Variants in WAPL observed in about 807,000 individuals in gnomAD.
WAPL encodes the protein WAPL cohesin release factor.
Under a neutral mutation model 121.0 loss-of-function variants are expected in WAPL, and 5 were observed. That is an observed-to-expected ratio of 0.04 (90% CI 0.02 to 0.09). WAPL has a LOEUF of 0.09. Ranked by LOEUF, WAPL falls within the 10% of genes least tolerant of loss-of-function variation. The probability of loss-of-function intolerance (pLI) is 1.00; values close to 1 mark genes in which losing one functional copy is unlikely to be tolerated. For missense variants in WAPL, 999 were observed against 1,410.8 expected (o/e 0.71, Z 4.68); for synonymous variants, 480 against 481.5 (o/e 1.00, Z 0.04).
At chr10:86,447,982 G>C (rs1015474324) in intron 15 of WAPL, among the ~76,000 whole-genome samples, 1 of 151,774 alleles carries the variant, frequency 6.6e-6, no homozygotes, top group Non-Finnish European at 1.5e-5. Context: ...TGGGAGTCAG[G>C]GGTTGCAGTA....
chr10:86,519,210 C>G (rs1401831349), intron 1 of WAPL, among the ~76,000 whole-genome samples: 4 of 152,048 alleles, frequency 2.6e-5, no homozygotes, highest in African/African-American at 7.2e-5. Context: ...AGTTCTGTGC[C>G]TATTAAAAAG....
chr10:86,511,691 C>T lies in WAPL; in HGVS notation c.499+5880G>A, dbSNP rs138567689. On this transcript the variant is annotated intron_variant, in intron 2 of 18. Coordinates refer to ENST00000298767, the MANE Select transcript of WAPL (RefSeq NM_015045.5). ...GCTCATGCCTGTAATCCCAACACTT[C>T]GGGAGGTGGAGGCAGGAGGACTACT... 2.4e-4 allele frequency among the ~76,000 whole-genome samples: 36 copies of T among 152,234 alleles called. No individual in the cohort carries two copies. The East Asian group carries it at 6.6e-3, about 28-fold the overall frequency.
At chr10:86,453,017 C>CAAAAAAAAAAAAAAAAAAAAAA (rs34469657) in intron 14 of WAPL, among the ~76,000 whole-genome samples, 1 of 58,234 alleles carries the variant, frequency 1.7e-5, no homozygotes. Context: ...CTCCATCTCC[C>CAAAAAAAAAAAAAAAAAAAAAA]AAAAAAAAAA....
intron 2 of WAPL, among the ~76,000 whole-genome samples, chr10:86,501,678 A>G (rs538325027): frequency 1.3e-5 from 2 of 152,274 alleles, no homozygotes; most frequent in South Asian, 4.1e-4. Flanking sequence ...ATTCTACCCA[A>G]TAGGTTTTCC....
intron 2 of WAPL, among the ~76,000 whole-genome samples, chr10:86,510,685 A>G (rs540585124): frequency 5.9e-5 from 9 of 152,324 alleles, no homozygotes; most frequent in African/African-American, 2.2e-4. Context: ...AACAAAATGA[A>G]TTTACTTAAA....
intron 12 of WAPL, among the ~76,000 whole-genome samples, chr10:86,457,746 T>C (rs551799920): frequency 2.6e-5 from 4 of 151,398 alleles, no homozygotes; most frequent in South Asian, 2.1e-4. Flanking sequence ...ATTAAGAAAA[T>C]CTACTGAGAC....
rs1358526995 is a variant in WAPL, at chr10:86,500,509, T to C, written c.734A>G (p.Asp245Gly). Residue 245 changes from aspartate (D) to glycine (G), a missense_variant, in exon 3 of 19, where the codon GAT (aspartate) becomes GGT (glycine). Physicochemically the swap from Asp to Gly is moderately conservative, Grantham distance 94 (BLOSUM62 -1). Around this residue, in one of 7 missense-constraint regions of WAPL, gnomAD observed 531 missense variants for 563.1 expected, o/e 0.94. Transcript: ENST00000298767. ...GLFEWDNDFE[D>G]IRSEDCILSL... ...TAAAATACAGTCTTCTGATCTGATA[T>C]CTTCAAAATCATTATCCCATTCAAA... 3.7e-6 allele frequency: 6 copies of C among 1,614,040 alleles called. No individual in the cohort carries two copies. Among genetic ancestry groups the C allele is most frequent in the African/African-American group, 1.3e-5 (1 of 74,922 alleles).
intron 2 of WAPL, among the ~76,000 whole-genome samples, chr10:86,506,437 T>C (rs1474016649): frequency 6.6e-6 from 1 of 152,190 alleles, no homozygotes; most frequent in Non-Finnish European, 1.5e-5. Flanking sequence ...TTAAAAAAGT[T>C]AAAAGAAATC....
At chr10:86,438,099 C>T (rs545147174) in intron 17 of WAPL, 84 bp from the exon 18 acceptor site, 2 of 935,080 alleles carry the variant, frequency 2.1e-6, no homozygotes, top group South Asian at 1.6e-5. Flanking sequence ...TTTTGACACA[C>T]ATCTTGGTGC....
At chr10:86,476,687 T>TAAA (rs34743479) in intron 4 of WAPL, among the ~76,000 whole-genome samples, 1 of 140,180 alleles carries the variant, frequency 7.1e-6, no homozygotes. Context: ...AGACTGTCTT[T>TAAA]AAAAAAAAAA....
chr10:86,480,623 C>CT (rs1429202874), intron 4 of WAPL, among the ~76,000 whole-genome samples: 1 of 86,336 alleles, frequency 1.2e-5, no homozygotes, highest in East Asian at 2.5e-4. Flanking sequence ...AAACCGGAAG[C>CT]TATAAATATC....
intron 17 of WAPL, among the ~76,000 whole-genome samples, chr10:86,441,426 G>A (rs1257527877): frequency 1.3e-5 from 2 of 152,144 alleles, no homozygotes; most frequent in Non-Finnish European, 2.9e-5. Flanking sequence ...CCCAGCCAGT[G>A]ACTGGTTCAG....
rs1370791833 is a variant in WAPL at position 86,435,851 on chromosome 10, G to A, written c.*1692C>T. 1 of 152,096 alleles carries A rather than the reference G, an allele frequency of 6.6e-6. No individual in the cohort carries two copies. The allele number at this position is 152,096 out of a possible 1,614,324, so 9.4% of individuals were successfully genotyped here. A position where few individuals can be genotyped will look rare whatever the true frequency, so the allele number is the denominator to read the frequency against. On this transcript the variant is annotated 3_prime_UTR_variant, in exon 19 of 19. Coordinates refer to ENST00000298767, the MANE Select transcript of WAPL (RefSeq NM_015045.5). The stretch of plus-strand genomic sequence containing the variant: ...AATCCAATGATTAATAAATATCAAT[G>A]TATTTTGCATTTTAAAATAAAATAT...
At chr10:86,438,976 C>A (rs1377431415) in intron 17 of WAPL, among the ~76,000 whole-genome samples, 1 of 152,110 alleles carries the variant, frequency 6.6e-6, no homozygotes, top group East Asian at 1.9e-4. Context: ...AAGAAAAAAT[C>A]TTTTAGGAAG....
At chr10:86,471,420 T>C (rs1841531021) in intron 7 of WAPL, among the ~76,000 whole-genome samples, 2 of 152,184 alleles carry the variant, frequency 1.3e-5, no homozygotes, top group African/African-American at 2.4e-5. Context: ...TCACAATTAA[T>C]TAATTATATT....
chr10:86,438,532 G>A (rs1849383343), intron 17 of WAPL, among the ~76,000 whole-genome samples: 1 of 152,242 alleles, frequency 6.6e-6, no homozygotes, highest in South Asian at 2.1e-4. Context: ...GGAATTACAG[G>A]TGTGAGGCAG....
intron 4 of WAPL, among the ~76,000 whole-genome samples, chr10:86,481,212 A>G (rs889952300): frequency 3.3e-5 from 5 of 152,216 alleles, no homozygotes; most frequent in African/African-American, 1.2e-4. Context: ...GGAGGAAGAC[A>G]GAAACTAAAG....
intron 2 of WAPL, among the ~76,000 whole-genome samples, chr10:86,504,625 C>A (rs2132224891): frequency 6.6e-6 from 1 of 150,680 alleles, no homozygotes; most frequent in South Asian, 2.1e-4. Flanking sequence ...GGCAGTGAGC[C>A]CCGTCGACAG....
intron 16 of WAPL, chr10:86,443,641 T>C (rs1849529742): frequency 2.9e-6 from 1 of 339,524 alleles, no homozygotes; most frequent in African/African-American, 2.1e-5. Context: ...GAAAATATAT[T>C]TGCAAATCAT....
Sources: gnomAD v4.1 joint callset for allele counts (sites outside exome capture counted in the v4.1 genomes callset) on GRCh38, gnomAD v4.1.1 for gene constraint, gnomAD v4.1.1 regional missense constraint, MANE v1.5 for transcripts, NCBI Gene and HGNC (gene_info 2026-07-23, HGNC 2026-07-21) for gene names.